Variants in ATM observed in about 807,000 individuals in gnomAD.
ATM encodes the protein serine-protein kinase ATM.
A neutral mutation model predicts 387.0 loss-of-function variants in ATM; 308 were observed. The ratio of observed to expected loss-of-function variants is 0.80; its 90% CI spans 0.73 to 0.87. ATM has a LOEUF of 0.87. Among genes scored for constraint, ATM ranks in the 40% least tolerant of loss-of-function variants. ATM has a pLI of 0.00. For synonymous variants in ATM, 1,156 were observed against 1,187.3 expected (o/e 0.97, Z 0.54); for missense variants, 3,312 against 3,560.9 (o/e 0.93, Z 1.78).
intron 37 of ATM, among the ~76,000 whole-genome samples, chr11:108,306,198 G>A (rs2083680636): frequency 6.6e-6 from 1 of 151,558 alleles, no homozygotes; most frequent in South Asian, 2.1e-4. Flanking sequence ...TCTACTATTT[G>A]GAAAAATATA....
In ATM at chr11:108,327,704, A is replaced by G. The variant is rs1057523514; in HGVS notation, c.7035A>G (p.Leu2345=). ...TECLRVCGNW[L]AETCLENPAV... is the part of the protein sequence containing the mutation. ...GTCTGAGGGTTTGTGGCAACTGGTT[A>G]GCAGAAACGTGCTTAGAAAATCCTG... The change falls in exon 48 of 63, where the codon TTA becomes TTG. Residue 2345 remains leucine (L), a synonymous_variant. Coordinates refer to ENST00000675843, the MANE Select transcript of ATM (RefSeq NM_000051.4). 1 of 1,614,008 alleles carries G rather than the reference A, an allele frequency of 6.2e-7. No individual in the cohort carries two copies. Among genetic ancestry groups the G allele is most frequent in the African/African-American group, 1.3e-5 (1 of 74,928 alleles).
chr11:108,268,491 G>T lies in ATM; in HGVS notation c.2720G>T (p.Cys907Phe), dbSNP rs775371838. ...GACATGCTCAAGTTCTTGTGTTTGT[G>T]TGTAACTACTGCTCAGACCAATACT... Reference protein sequence around the residue: ...FLDMLKFLCLCVTTAQTNTVS... With the variant: ...FLDMLKFLCLFVTTAQTNTVS... Residue 907 changes from cysteine (C) to phenylalanine (F), a missense_variant, in exon 18 of 63, where the codon TGT (cysteine) becomes TTT (phenylalanine). By Grantham distance (205) the Cys-to-Phe change is radical. This residue lies in a region of ATM where 1,791 missense variants were observed against 1,804.5 expected (regional missense o/e 0.99). Coordinates refer to ENST00000675843, the MANE Select transcript of ATM (RefSeq NM_000051.4). The T allele has an allele frequency of 1.9e-6, 3 of 1,613,920 alleles. No homozygotes were observed. The East Asian group carries it at 6.7e-5, about 36-fold the overall frequency.
chr11:108,267,591 G>A (rs2081330888), intron 17 of ATM, among the ~76,000 whole-genome samples: 1 of 152,070 alleles, frequency 6.6e-6, no homozygotes, highest in South Asian at 2.1e-4. Context: ...AGGCATGGTG[G>A]CTCACGCTTG....
intron 47 of ATM, among the ~76,000 whole-genome samples, chr11:108,326,428 A>G (rs1193263596): frequency 6.6e-6 from 1 of 152,220 alleles, no homozygotes; most frequent in Admixed American, 6.5e-5. Context: ...CTATCAGTCC[A>G]TCATGTGGTC....
rs1243141970 is a variant in ATM, at chr11:108,270,952, C to T, written c.2839-112C>T. On this transcript the variant is annotated intron_variant, in intron 18 of 62. Coordinates refer to ENST00000675843, the MANE Select transcript of ATM (RefSeq NM_000051.4). ...CTTGTGATCTGCCTGCTTCAGCCTC[C>T]CAAAGTGCTGGGATTACAGGTGTGA... 3 of 860,298 alleles carry T rather than the reference C, an allele frequency of 3.5e-6. No individual in the cohort carries two copies. The South Asian group carries it at 4.3e-5, about 12-fold the overall frequency. 53.3% of individuals were successfully genotyped at this position (860,298 alleles called of 1,614,324 possible).
intron 48 of ATM, among the ~76,000 whole-genome samples, chr11:108,328,559 A>G (rs894614105): frequency 6.6e-6 from 1 of 152,284 alleles, no homozygotes; most frequent in East Asian, 1.9e-4. Flanking sequence ...TTGTCTTTAA[A>G]TTTTATAAAG....
intron 39 of ATM, among the ~76,000 whole-genome samples, chr11:108,311,964 C>G (rs534407684): frequency 6.6e-6 from 1 of 152,216 alleles, no homozygotes; most frequent in East Asian, 1.9e-4. Context: ...TTAAGTGGAT[C>G]CTACTGATCT....
chr11:108,257,746 A>T, intron 15 of ATM, 140 bp downstream of exon 15: 4 of 872,640 alleles, frequency 4.6e-6, no homozygotes, highest in Non-Finnish European at 7.3e-6. Context: ...CAGCCTCCCA[A>T]GTAATTGGGA....
In ATM at chr11:108,229,185, C is replaced by G. The variant is rs775248597; in HGVS notation, c.193C>G (p.Gln65Glu). 2 of 1,610,504 alleles carry G rather than the reference C, an allele frequency of 1.2e-6. No homozygotes were observed. The highest frequency in any genetic ancestry group is 1.7e-5 in the Admixed American group (1 of 59,740). Reference protein sequence around the residue: ...LNWDAVFRFLQKYIQKETECL... With the variant: ...LNWDAVFRFLEKYIQKETECL... Reference sequence around the variant, plus strand: ...CATTTTGTTTTCTTGAAGATTTTTACAGAAATATATTCAGAAAGAAACAGA... The same window carrying G: ...CATTTTGTTTTCTTGAAGATTTTTAGAGAAATATATTCAGAAAGAAACAGA... The change falls in exon 4 of 63, where the codon CAG becomes GAG. Residue 65 changes from glutamine to glutamate, a missense_variant. By Grantham distance (29) the Gln-to-Glu change is conservative. This residue lies in a region of ATM where 1,791 missense variants were observed against 1,804.5 expected (regional missense o/e 0.99). Coordinates refer to ENST00000675843, the MANE Select transcript of ATM (RefSeq NM_000051.4).
Position 108,293,467 on chromosome 11 carries a change from C to T in ATM, c.4766C>T (p.Ser1589Leu), listed in dbSNP as rs2082925270. 2 of 1,611,202 alleles carry T rather than the reference C, an allele frequency of 1.2e-6. No homozygotes were observed. Among genetic ancestry groups the T allele is most frequent in the Non-Finnish European group, 1.7e-6 (2 of 1,177,980 alleles). ...ATCAAATACAGTAGAGGACCCTTTT[C>T]ACTCTTGGAGGTAATAAAAATTTCA... ...QKIKYSRGPF[S>L]LLEEINHFLS... Residue 1589 changes from serine to leucine, a missense_variant, in exon 31 of 63, where the codon TCA becomes TTA. Physicochemically the swap from Ser to Leu is moderately radical, Grantham distance 145 (BLOSUM62 -2). Around this residue, in one of 4 missense-constraint regions of ATM, gnomAD observed 1,405 missense variants for 1,604.4 expected, o/e 0.88. Transcript: ENST00000675843.
Position 108,326,898 on chromosome 11 carries a change from T to A in ATM, c.6975+673T>A, listed in dbSNP as rs1217446050. On this transcript the variant is annotated intron_variant, in intron 47 of 62. Transcript: ENST00000675843. ...TGGAGTGCAGTGGTACGACATCGGC[T>A]CACCGCAACCTCCACCTCCCTGGTT... 1.3e-5 allele frequency among the ~76,000 whole-genome samples: 2 copies of A among 152,212 alleles called. 1 individual carries two copies. Among genetic ancestry groups the A allele is most frequent in the African/African-American group, 4.8e-5 (2 of 41,466 alleles).
intron 38 of ATM, 140 bp downstream of exon 38, chr11:108,308,124 G>C (rs2083837489): frequency 3.6e-6 from 3 of 823,198 alleles, no homozygotes; most frequent in Non-Finnish European, 6.0e-6. Flanking sequence ...ATATCTCCTT[G>C]CAGTAATCCA....
At chr11:108,303,128 C>T (rs564181896) in intron 36 of ATM, 99 bp downstream of exon 36, 4 of 1,186,722 alleles carry the variant, frequency 3.4e-6, no homozygotes, top group South Asian at 2.8e-5. Flanking sequence ...ATATCACCCC[C>T]ACTCAAACTG....
chr11:108,228,209 A>G (rs959906206), intron 3 of ATM, among the ~76,000 whole-genome samples: 3 of 152,204 alleles, frequency 2.0e-5, no homozygotes, highest in Non-Finnish European at 4.4e-5. Flanking sequence ...AAATGTTAGG[A>G]TATTATTTTC....
chr11:108,317,328 A>C (rs762480749), intron 42 of ATM, 45 bp from the exon 43 acceptor site: 2 of 1,585,130 alleles, frequency 1.3e-6, no homozygotes, highest in East Asian at 2.3e-5. Flanking sequence ...TTTTCTGTTG[A>C]TATCTTTGAT....
intron 23 of ATM, 26 bp from the exon 24 acceptor site, chr11:108,280,953 TTTACATTTTACATTAC>T: frequency 6.5e-7 from 1 of 1,542,918 alleles, no homozygotes; most frequent in Non-Finnish European, 8.8e-7. Context: ...TTGTTAAACA[TTTACATTTTACATTAC>T]ATTTTTTTTT....
At chr11:108,267,487 A>ATT in intron 17 of ATM, 145 bp downstream of exon 17, 1 of 554,874 alleles carries the variant, frequency 1.8e-6, no homozygotes, top group Non-Finnish European at 3.0e-6. Flanking sequence ...TATATACTTT[A>ATT]TTTTTTTTTT....
At chr11:108,240,596 T>TGCCTCTA (rs1565364426) in intron 5 of ATM, among the ~76,000 whole-genome samples, 1 of 152,204 alleles carries the variant, frequency 6.6e-6, no homozygotes, top group Non-Finnish European at 1.5e-5. Flanking sequence ...TAGGCAGCTG[T>TGCCTCTA]AACACAATGG....
Position 108,254,045 on chromosome 11 carries a change from A to AT in ATM, c.2124+12dup, listed in dbSNP as rs769051992. On this transcript the variant is annotated splice_region_variant and intron_variant, in intron 13 of 62. Transcript: ENST00000675843. The stretch of plus-strand genomic sequence containing the variant: ...TGAATAATTACTCATCTGAGGTGAG[A>AT]TTTTTTAAAAAAAGAACTAAGCTTA... 3.7e-6 allele frequency: 6 copies of AT among 1,612,186 alleles called. No homozygotes were observed. Among genetic ancestry groups the AT allele is most frequent in the Admixed American group, 1.7e-5 (1 of 59,974 alleles).
Sources: allele counts gnomAD v4.1 joint callset (sites outside exome capture counted in the v4.1 genomes callset), GRCh38; gene constraint gnomAD v4.1.1; regional missense constraint gnomAD v4.1.1; transcripts MANE v1.5; gene names NCBI Gene and HGNC (gene_info 2026-07-23, HGNC 2026-07-21).